EXT2: variants seen among roughly 807,000 people sequenced by gnomAD.
EXT2 encodes the protein exostosin glycosyltransferase 2.
EXT2 carries 53 observed loss-of-function variants against 81.6 expected under a neutral mutation model. That is an observed-to-expected ratio of 0.65 (90% CI 0.52 to 0.82). The LOEUF is 0.82. Among genes scored for constraint, EXT2 ranks in the 40% least tolerant of loss-of-function variants. The pLI is 0.00. For missense variants in EXT2, 774 were observed against 910.2 expected (o/e 0.85, Z 1.93); for synonymous variants, 320 against 340.0 (o/e 0.94, Z 0.65).
chr11:44,096,118 T>C (rs1953890849), intron 1 of EXT2: 1 of 825,736 alleles, frequency 1.2e-6, no homozygotes, highest in African/African-American at 1.7e-5. Context: ...TACCCACCTG[T>C]TCTCCTAGCC....
At chr11:44,178,798 A>AT (rs199635433) in intron 8 of EXT2, among the ~76,000 whole-genome samples, 12 of 95,836 alleles carry the variant, frequency 1.3e-4, no homozygotes, top group South Asian at 5.8e-4. Flanking sequence ...CCTAGATATG[A>AT]TTAAAAAAAA....
Position 44,197,960 on chromosome 11 carries a change from G to GCC in EXT2, c.1439_1440dup (p.Ser481ProfsTer30). On this transcript the variant is annotated frameshift_variant, in exon 9 of 14. Coordinates refer to ENST00000533608, the MANE Select transcript of EXT2 (RefSeq NM_207122.2). LOFTEE classifies it high-confidence loss of function. ...GGGTCATCACTGAAGTGTCCAAGGT[G>GCC]CCCAGTCTATCCAAACTACTTGTCG... 6.2e-7 allele frequency: 1 copy of GCC among 1,614,082 alleles called. No homozygotes were observed. The highest frequency in any genetic ancestry group is 1.3e-5 in the African/African-American group (1 of 75,028).
At chr11:44,232,997 C>T (rs1397708205) in intron 11 of EXT2, among the ~76,000 whole-genome samples, 1 of 152,130 alleles carries the variant, frequency 6.6e-6, no homozygotes, top group Non-Finnish European at 1.5e-5. Context: ...TTAAATAACG[C>T]TTAATATCTA....
In EXT2 at chr11:44,107,990, T is replaced by C. The variant is rs773387959; in HGVS notation, c.278T>C (p.Val93Ala). The C allele has an allele frequency of 1.2e-6, 2 of 1,614,190 alleles. No homozygotes were observed. Among genetic ancestry groups the C allele is most frequent in the Non-Finnish European group, 1.7e-6 (2 of 1,180,026 alleles). Reference sequence around the variant, plus strand: ...TGCAGAATGCACACGTGTTTTGATGTCTATCGCTGTGGCTTCAACCCAAAG... The same window carrying C: ...TGCAGAATGCACACGTGTTTTGATGCCTATCGCTGTGGCTTCAACCCAAAG... Reference protein sequence around the residue: ...LSCRMHTCFDVYRCGFNPKNK... With the variant: ...LSCRMHTCFDAYRCGFNPKNK... The change falls in exon 2 of 14, where the codon GTC (valine) becomes GCC (alanine). Residue 93 changes from valine (V) to alanine (A), a missense_variant. Val to Ala is a moderately conservative substitution (Grantham distance 64). This residue lies in a region of EXT2 where 626 missense variants were observed against 670.5 expected (regional missense o/e 0.93). Coordinates refer to ENST00000533608, the MANE Select transcript of EXT2 (RefSeq NM_207122.2).
At chr11:44,211,876 G>A (rs1955652196) in intron 10 of EXT2, among the ~76,000 whole-genome samples, 1 of 152,128 alleles carries the variant, frequency 6.6e-6, no homozygotes, top group Non-Finnish European at 1.5e-5. Context: ...CCCCACAAAT[G>A]TATACAATTA....
At chr11:44,178,987 T>C (rs980526720) in intron 8 of EXT2, among the ~76,000 whole-genome samples, 8 of 152,140 alleles carry the variant, frequency 5.3e-5, no homozygotes, top group African/African-American at 1.9e-4. Flanking sequence ...GGAAGTGAGC[T>C]AGAAAGTCTC....
At chr11:44,182,812 A>G (rs1178459861) in intron 8 of EXT2, among the ~76,000 whole-genome samples, 4 of 152,194 alleles carry the variant, frequency 2.6e-5, no homozygotes, top group Non-Finnish European at 5.9e-5. Context: ...TGTAGATCTT[A>G]TTTCGATTTC....
intron 8 of EXT2, among the ~76,000 whole-genome samples, chr11:44,190,236 A>G (rs1199096758): frequency 6.6e-6 from 1 of 152,252 alleles, no homozygotes; most frequent in Non-Finnish European, 1.5e-5. Flanking sequence ...AATACTTTTC[A>G]AAGTCTTCAG....
At chr11:44,106,275 AT>A (rs543917373) in intron 1 of EXT2, among the ~76,000 whole-genome samples, 83 of 152,030 alleles carry the variant, frequency 5.5e-4, no homozygotes, top group Non-Finnish European at 9.6e-4. Flanking sequence ...AATCTACCAC[AT>A]TGGCCCTTTT....
intron 9 of EXT2, among the ~76,000 whole-genome samples, chr11:44,204,987 T>C (rs2135200236): frequency 6.6e-6 from 1 of 152,308 alleles, no homozygotes; most frequent in South Asian, 2.1e-4. Flanking sequence ...GAGAAAGTGA[T>C]TGAACCTTAC....
At chr11:44,163,816 G>A (rs1954958077) in intron 7 of EXT2, among the ~76,000 whole-genome samples, 1 of 152,206 alleles carries the variant, frequency 6.6e-6, no homozygotes, top group Non-Finnish European at 1.5e-5. Flanking sequence ...GGGAGCAAGT[G>A]AATGCTTTAT....
At chr11:44,148,112 G>A (rs79961941) in intron 7 of EXT2, among the ~76,000 whole-genome samples, 1,578 of 152,188 alleles carry the variant, frequency 0.01, 19 homozygotes, top group East Asian at 0.031. Context: ...TTCATCATCT[G>A]TTTGTTTTTA....
chr11:44,138,174 C>T (rs1178928037), intron 7 of EXT2, among the ~76,000 whole-genome samples: 1 of 152,074 alleles, frequency 6.6e-6, no homozygotes, highest in East Asian at 1.9e-4. Context: ...CTTTGAATAC[C>T]AGCAACAGAG....
At chr11:44,103,696 T>C in intron 1 of EXT2, 1 of 456,028 alleles carries the variant, frequency 2.2e-6, no homozygotes, top group Admixed American at 2.7e-5. Flanking sequence ...TCAGTGTCTT[T>C]AATGTTATAG....
chr11:44,174,528 G>A (rs1013905143), intron 8 of EXT2, among the ~76,000 whole-genome samples: 3 of 151,346 alleles, frequency 2.0e-5, no homozygotes, highest in Non-Finnish European at 4.4e-5. Context: ...TGATCTTATA[G>A]TTCTTAACTG....
chr11:44,163,158 A>G (rs1225318382), intron 7 of EXT2, among the ~76,000 whole-genome samples: 1 of 152,222 alleles, frequency 6.6e-6, no homozygotes, highest in African/African-American at 2.4e-5. Context: ...CCAGTCCACA[A>G]GAAGTGCCTT....
At chr11:44,214,989 G>C (rs1001762491) in intron 10 of EXT2, among the ~76,000 whole-genome samples, 13 of 151,974 alleles carry the variant, frequency 8.6e-5, no homozygotes, top group African/African-American at 3.1e-4. Flanking sequence ...TTGAACTCCT[G>C]GTTTCAAGCA....
intron 8 of EXT2, 144 bp from the exon 9 acceptor site, chr11:44,197,685 G>T: frequency 1.3e-6 from 1 of 773,708 alleles, no homozygotes. Flanking sequence ...TTTGAGGAGG[G>T]GAAGACTTTG....
chr11:44,108,127 G>A lies in EXT2; in HGVS notation c.415G>A (p.Asp139Asn), dbSNP rs1038984851. Residue 139 changes from aspartate to asparagine, a missense_variant, in exon 2 of 14, where the codon GAC (aspartate) becomes AAC (asparagine). Asp to Asn is a conservative substitution (Grantham distance 23, BLOSUM62 1). This residue lies in a region of EXT2 where 626 missense variants were observed against 670.5 expected (regional missense o/e 0.93). Transcript: ENST00000533608. ...EYNELLMAIS[D>N]SDYYTDDINR... is the part of the protein sequence containing the mutation. Reference sequence around the variant, plus strand: ...TAATGAACTGCTCATGGCCATCTCAGACAGTGACTACTACACTGATGACAT... The same window carrying A: ...TAATGAACTGCTCATGGCCATCTCAAACAGTGACTACTACACTGATGACAT... 3.1e-6 allele frequency: 5 copies of A among 1,614,150 alleles called. No homozygotes were observed. Among genetic ancestry groups the A allele is most frequent in the Admixed American group, 3.3e-5 (2 of 60,018 alleles).
Sources: gnomAD v4.1 joint callset for allele counts (sites outside exome capture counted in the v4.1 genomes callset) on GRCh38, gnomAD v4.1.1 for gene constraint, gnomAD v4.1.1 regional missense constraint, MANE v1.5 for transcripts, NCBI Gene and HGNC (gene_info 2026-07-23, HGNC 2026-07-21) for gene names.